Variants in PUM1 observed in about 807,000 individuals in gnomAD.
PUM1 encodes the protein pumilio homolog 1.
A neutral mutation model predicts 131.8 loss-of-function variants in PUM1; 13 were observed. The ratio of observed to expected loss-of-function variants is 0.10; its 90% CI spans 0.06 to 0.16. PUM1 has a LOEUF of 0.16. PUM1 is among the 10% of genes least tolerant of loss of function. The pLI, the probability that PUM1 is intolerant of heterozygous loss-of-function variation, is 1.00. For synonymous variants in PUM1, 509 were observed against 556.5 expected (o/e 0.91, Z 1.20); for missense variants, 961 against 1,512.4 (o/e 0.64, Z 6.05).
intron 2 of PUM1, among the ~76,000 whole-genome samples, chr1:31,033,817 T>C (rs1281631897): frequency 6.6e-6 from 1 of 152,130 alleles, no homozygotes; most frequent in Admixed American, 6.6e-5. Context: ...TAATTGTTTT[T>C]AATTTTTTTG....
intron 3 of PUM1, among the ~76,000 whole-genome samples, chr1:31,012,558 A>G (rs1240079480): frequency 1.3e-5 from 2 of 151,164 alleles, no homozygotes; most frequent in Admixed American, 1.3e-4. Context: ...AAAGTAAAAA[A>G]AAAAAAAAAA....
intron 10 of PUM1, among the ~76,000 whole-genome samples, chr1:30,972,271 G>GA (rs1557562590): frequency 9.3e-3 from 7 of 752 alleles, no homozygotes; most frequent in African/African-American, 0.029. Flanking sequence ...AAGAAAAGAA[G>GA]GGAAGGGAAG....
In PUM1 at chr1:31,059,338, C is replaced by G. The variant is rs2124008207; in HGVS notation, c.229G>C (p.Asp77His). 1 of 1,614,172 alleles carries G rather than the reference C, an allele frequency of 6.2e-7. No homozygotes were observed. Reference sequence around the variant, plus strand: ...AAGAAGTAGTCCACCATAGCGTCGTCCTGGGAACGGCCTGCAACTCCTATA... The same window carrying G: ...AAGAAGTAGTCCACCATAGCGTCGTGCTGGGAACGGCCTGCAACTCCTATA... ...GSIGVAGRSQDDAMVDYFFQR... is the reference protein window; with the variant it reads ...GSIGVAGRSQHDAMVDYFFQR... The change falls in exon 2 of 22, where the codon GAC becomes CAC. Residue 77 changes from aspartate to histidine, a missense_variant. Physicochemically the swap from Asp to His is moderately conservative, Grantham distance 81. Transcript: ENST00000426105.
At chr1:31,044,592 G>A (rs954336444) in intron 2 of PUM1, among the ~76,000 whole-genome samples, 6 of 152,092 alleles carry the variant, frequency 3.9e-5, no homozygotes, top group African/African-American at 1.4e-4. Context: ...GCTGGGTAAA[G>A]GATTTTTGGG....
chr1:30,979,855 G>A (rs1313996730), intron 9 of PUM1, among the ~76,000 whole-genome samples: 1 of 152,156 alleles, frequency 6.6e-6, no homozygotes, highest in Non-Finnish European at 1.5e-5. Context: ...CAAGGCGTAT[G>A]TGATTAATTT....
At chr1:30,987,271 A>T (rs949470291) in intron 7 of PUM1, among the ~76,000 whole-genome samples, 5 of 149,134 alleles carry the variant, frequency 3.4e-5, no homozygotes, top group Admixed American at 2.0e-4. Flanking sequence ...ATCTCAGCTC[A>T]CTGCAACCTC....
intron 3 of PUM1, among the ~76,000 whole-genome samples, chr1:31,007,481 A>G (rs1309704726): frequency 1.3e-5 from 2 of 152,240 alleles, no homozygotes; most frequent in African/African-American, 4.8e-5. Context: ...ACAACTATTA[A>G]AACACTTCTC....
chr1:30,964,628 A>G, intron 14 of PUM1, 46 bp downstream of exon 14: 1 of 1,504,808 alleles, frequency 6.6e-7, no homozygotes, highest in Non-Finnish European at 9.2e-7. Context: ...CATCGGTGGC[A>G]AGAGAGTTCT....
At chr1:30,957,210 T>A (rs1640205547) in intron 14 of PUM1, among the ~76,000 whole-genome samples, 1 of 152,060 alleles carries the variant, frequency 6.6e-6, no homozygotes, top group African/African-American at 2.4e-5. Flanking sequence ...AACTGACAGT[T>A]CACAGACATA....
At chr1:30,949,390 G>A (rs1006081089) in intron 17 of PUM1, among the ~76,000 whole-genome samples, 9 of 139,094 alleles carry the variant, frequency 6.5e-5, no homozygotes, top group African/African-American at 2.0e-4. Context: ...CTGGACCCAC[G>A]CCGTGACTTG....
chr1:31,009,017 C>CT (rs529168603), intron 3 of PUM1, among the ~76,000 whole-genome samples: 2 of 121,814 alleles, frequency 1.6e-5, no homozygotes. Context: ...ACTAAAAATA[C>CT]AAAAAAAAAA....
At chr1:31,014,241 C>T (rs2124522168) in intron 3 of PUM1, among the ~76,000 whole-genome samples, 1 of 141,112 alleles carries the variant, frequency 7.1e-6, no homozygotes, top group African/African-American at 2.7e-5. Context: ...GTCAAGGCTG[C>T]AGTGAGCCAT....
intron 10 of PUM1, among the ~76,000 whole-genome samples, chr1:30,974,020 G>A (rs77549753): frequency 0.19 from 29,141 of 151,466 alleles, 3,158 homozygotes; most frequent in East Asian, 0.51. Flanking sequence ...TCCGGGATGC[G>A]GAGATTGCAG....
chr1:31,030,643 C>A (rs1183025093), intron 2 of PUM1, among the ~76,000 whole-genome samples: 1 of 151,548 alleles, frequency 6.6e-6, no homozygotes, highest in Non-Finnish European at 1.5e-5. Context: ...CCCGGGCAGT[C>A]GAGGCTGCAG....
chr1:30,955,647 G>A (rs1375305370), intron 14 of PUM1, among the ~76,000 whole-genome samples: 3 of 152,196 alleles, frequency 2.0e-5, no homozygotes, highest in Non-Finnish European at 4.4e-5. Context: ...AAAAAGTTTA[G>A]ATGAATAACA....
At position 31,009,782 on chromosome 1, in the gene PUM1, A is replaced by AAAACAAAAAC. The variant is rs1553150213; in HGVS notation, c.433-2681_433-2680insGTTTTTGTTT. On this transcript the variant is annotated intron_variant, in intron 3 of 21. Coordinates refer to ENST00000426105, the MANE Select transcript of PUM1 (RefSeq NM_001020658.2). ...GACTCTGTCTCAAAAAAAAAAAAAA[A>AAAACAAAAAC]AAAAACAAAAACAGAAACAAAAAAA... Among the ~76,000 whole-genome samples, 1,193 of 125,100 alleles carry AAAACAAAAAC rather than the reference A, an allele frequency of 9.5e-3. 9 individuals are homozygous for AAAACAAAAAC. The highest frequency in any genetic ancestry group is 0.036 in the Middle Eastern group (8 of 220). The allele number at this position is 125,100 out of a possible 152,430, so 82.1% of individuals were successfully genotyped here. A position where few individuals can be genotyped will look rare whatever the true frequency, so the allele number is the denominator to read the frequency against.
At chr1:31,047,111 C>A (rs1025815022) in intron 2 of PUM1, among the ~76,000 whole-genome samples, 1 of 152,110 alleles carries the variant, frequency 6.6e-6, no homozygotes, top group African/African-American at 2.4e-5. Flanking sequence ...CTCACTTGAA[C>A]CCGGGAGGTG....
intron 5 of PUM1, among the ~76,000 whole-genome samples, chr1:30,998,987 G>GTGTTTT (rs151177933): frequency 0.041 from 6,207 of 151,888 alleles, 385 homozygotes; most frequent in African/African-American, 0.14. Context: ...TAGCTGTGTG[G>GTGTTTT]TGTTTTTGTT....
rs553809606 is a variant in PUM1 at position 30,993,339 on chromosome 1, A to AT, written c.888-680dup. On this transcript the variant is annotated intron_variant, in intron 6 of 21. Coordinates refer to ENST00000426105, the MANE Select transcript of PUM1 (RefSeq NM_001020658.2). The stretch of plus-strand genomic sequence containing the variant: ...TCATCCAAACCAGGACATGCCTAAG[A>AT]TTTAAAAAAAAAAAAAAAAAACAGG... Among the ~76,000 whole-genome samples the AT allele has an allele frequency of 3.6e-4, 49 of 135,284 alleles. No homozygotes were observed. The South Asian group carries it at 0.013, about 35-fold the overall frequency. The allele number at this position is 135,284 out of a possible 152,430, so 88.8% of individuals were successfully genotyped here.
Sources: gnomAD v4.1 joint callset for allele counts (sites outside exome capture counted in the v4.1 genomes callset) on GRCh38, gnomAD v4.1.1 for gene constraint, MANE v1.5 for transcripts, NCBI Gene and HGNC (gene_info 2026-07-23, HGNC 2026-07-21) for gene names.